The following RYR2 variants were observed in gnomAD, a reference collection of about 807,000 sequenced individuals.
RYR2 encodes ryanodine receptor 2, also known as cardiac muscle ryanodine receptor-calcium release channel.
RYR2 carries 227 observed loss-of-function variants against 601.1 expected under a neutral mutation model. The ratio of observed to expected loss-of-function variants is 0.38; its 90% CI spans 0.34 to 0.42. RYR2 has a LOEUF of 0.42. Among genes scored for constraint, RYR2 ranks in the 10% least tolerant of loss-of-function variants. The pLI is 1.00. For synonymous variants in RYR2, 2,223 were observed against 2,175.1 expected, an observed-to-expected ratio of 1.02 and a Z score of -0.61; for missense variants, 4,646 against 6,156.5, an observed-to-expected ratio of 0.75 and a Z score of 8.21.
intron 19 of RYR2, among the ~76,000 whole-genome samples, chr1:237,494,306 T>G (rs1159717329): frequency 6.6e-6 from 1 of 152,194 alleles, no homozygotes; most frequent in East Asian, 1.9e-4. Context: ...GGCAAACCAC[T>G]GCTAAGTCCA....
At chr1:237,639,314 C>T (rs1439221975) in intron 46 of RYR2, 113 bp downstream of exon 46, 4 of 1,041,988 alleles carry the variant, frequency 3.8e-6, no homozygotes, top group Non-Finnish European at 5.3e-6. Context: ...CAGAAGATTT[C>T]TCCCTTTGAA....
At position 237,660,945 on chromosome 1, in the gene RYR2, C is replaced by A. The variant is rs377285717; in HGVS notation, c.8434C>A (p.Gln2812Lys). The part of the protein sequence containing the change: ...NRTRRISQTS[Q>K]VSVDAAHGYS... ...GACTCGTCGTATTTCTCAGACAAGC[C>A]AGGTAAGAATTCATCACGGTGATGA... The change falls in exon 56 of 105, where the codon CAG (glutamine) becomes AAG (lysine). Residue 2812 changes from glutamine (Q) to lysine (K), a missense_variant and splice_region_variant. Transcript: ENST00000366574. 1.4e-6 allele frequency: 2 copies of A among 1,414,286 alleles called. No homozygotes were observed. Among genetic ancestry groups the A allele is most frequent in the South Asian group, 1.8e-5 (1 of 55,120 alleles). 87.6% of individuals were successfully genotyped at this position (1,414,286 alleles called of 1,614,324 possible).
At chr1:237,315,092 G>C (rs971829283) in intron 2 of RYR2, among the ~76,000 whole-genome samples, 1 of 152,108 alleles carries the variant, frequency 6.6e-6, no homozygotes, top group Non-Finnish European at 1.5e-5. Flanking sequence ...AGATCCAGTG[G>C]ATCTTTCCGG....
At chr1:237,377,717 A>G (rs1392297900) in intron 8 of RYR2, among the ~76,000 whole-genome samples, 2 of 152,192 alleles carry the variant, frequency 1.3e-5, no homozygotes, top group Non-Finnish European at 2.9e-5. Flanking sequence ...TATTGATAGA[A>G]TGTAAATGCA....
chr1:237,347,385 ATATATAT>A (rs1270093999), intron 3 of RYR2, among the ~76,000 whole-genome samples: 1 of 152,144 alleles, frequency 6.6e-6, no homozygotes, highest in Non-Finnish European at 1.5e-5. Flanking sequence ...TAGGTTCTCA[ATATATAT>A]TAGTTTCTTT....
rs1553380520 is a variant in RYR2, at chr1:237,284,515, A to ATAATATGTAAATATATATAATAT, written c.168+13899_168+13900insTAATATGTAAATATATATAATAT. ...TATAAAATATATATAAAATATATAT[A>ATAATATGTAAATATATATAATAT]ATATATGTATTGTGTGTATATATAT... On this transcript the variant is annotated intron_variant, in intron 2 of 104. Transcript: ENST00000366574. Among the ~76,000 whole-genome samples, 59 of 132,950 alleles carry ATAATATGTAAATATATATAATAT rather than the reference A, an allele frequency of 4.4e-4. 1 individual carries two copies. In the East Asian group the frequency reaches 0.012, roughly 26 times the overall value. The allele number at this position is 132,950 out of a possible 152,430, so 87.2% of individuals were successfully genotyped here.
At chr1:237,604,178 C>T (rs1676838280) in intron 35 of RYR2, among the ~76,000 whole-genome samples, 1 of 152,158 alleles carries the variant, frequency 6.6e-6, no homozygotes, top group African/African-American at 2.4e-5. Flanking sequence ...GGAAGTAAAG[C>T]ACTCCTCAGC....
intron 1 of RYR2, among the ~76,000 whole-genome samples, chr1:237,153,710 G>T (rs1252558063): frequency 1.3e-5 from 2 of 151,508 alleles, no homozygotes; most frequent in African/African-American, 4.9e-5. Context: ...GTTATTTTAG[G>T]CCACAGGTAG....
At chr1:237,548,317 T>G in intron 25 of RYR2, 114 bp from the exon 26 acceptor site, 1 of 1,055,228 alleles carries the variant, frequency 9.5e-7, no homozygotes, top group Admixed American at 2.3e-5. Context: ...TCACCACTGG[T>G]TACCACTGTG....
At chr1:237,159,744 G>A (rs1336154882) in intron 1 of RYR2, among the ~76,000 whole-genome samples, 1 of 152,126 alleles carries the variant, frequency 6.6e-6, no homozygotes, top group African/African-American at 2.4e-5. Context: ...GAATCAGAGG[G>A]CTACAAAGAG....
intron 80 of RYR2, among the ~76,000 whole-genome samples, chr1:237,744,764 A>T: frequency 6.7e-6 from 1 of 148,936 alleles, no homozygotes. Flanking sequence ...TGAATTTTAG[A>T]CTGTCTTGAA....
chr1:237,135,474 A>G (rs1229580947), intron 1 of RYR2, among the ~76,000 whole-genome samples: 2 of 150,126 alleles, frequency 1.3e-5, no homozygotes, highest in African/African-American at 4.9e-5. Context: ...GGTTCACGCC[A>G]TTCTCCTGCC....
intron 1 of RYR2, among the ~76,000 whole-genome samples, chr1:237,170,427 G>T (rs766410151): frequency 6.6e-6 from 1 of 152,178 alleles, no homozygotes; most frequent in African/African-American, 2.4e-5. Context: ...GGACTTGAAC[G>T]ATGATAACAC....
chr1:237,511,340 C>G (rs1486641564), intron 23 of RYR2, among the ~76,000 whole-genome samples: 1 of 149,198 alleles, frequency 6.7e-6, no homozygotes, highest in Non-Finnish European at 1.5e-5. Flanking sequence ...GGCAGACTGT[C>G]CTAATTAGAC....
At chr1:237,220,593 C>T (rs954303344) in intron 1 of RYR2, among the ~76,000 whole-genome samples, 3 of 152,164 alleles carry the variant, frequency 2.0e-5, no homozygotes, top group African/African-American at 7.2e-5. Flanking sequence ...TTCTGTTTCT[C>T]GGGAGACACC....
At chr1:237,373,042 A>G (rs1700761748) in intron 6 of RYR2, among the ~76,000 whole-genome samples, 1 of 152,224 alleles carries the variant, frequency 6.6e-6, no homozygotes, top group South Asian at 2.1e-4. Flanking sequence ...CTTGTTATTG[A>G]AAAAATTACA....
Position 237,106,408 on chromosome 1 carries a change from T to C in RYR2, c.48+63839T>C, listed in dbSNP as rs1478732054. On this transcript the variant is annotated intron_variant, in intron 1 of 104. Coordinates refer to ENST00000366574, the MANE Select transcript of RYR2 (RefSeq NM_001035.3). This position sits in a 1 kb window ranked among gnomAD's most constrained non-coding sequence, Gnocchi z 4.4. ...TAGAGCCAGGAGGATTTCCTCATGG[T>C]TCTGATGAGGGTTGAGAGAGAGAAG... 6.6e-6 allele frequency among the ~76,000 whole-genome samples: 1 copy of C among 152,008 alleles called. No individual in the cohort carries two copies. Among genetic ancestry groups the C allele is most frequent in the Non-Finnish European group, 1.5e-5 (1 of 67,996 alleles).
chr1:237,636,974 T>C (rs35399041), intron 44 of RYR2, among the ~76,000 whole-genome samples: 32,497 of 152,088 alleles, frequency 0.21, 3,597 homozygotes, highest in East Asian at 0.24. Context: ...ACAAGTGTCC[T>C]AGAAAATGCA....
chr1:237,221,790 TC>T (rs1223971726), intron 1 of RYR2, among the ~76,000 whole-genome samples: 1 of 152,198 alleles, frequency 6.6e-6, no homozygotes, highest in African/African-American at 2.4e-5. Context: ...TGGGTGGTGG[TC>T]AACACAGATT....
Sources: gnomAD v4.1 joint callset for allele counts (sites outside exome capture counted in the v4.1 genomes callset) on GRCh38, gnomAD v4.1.1 for gene constraint, Gnocchi (gnomAD v3.1) non-coding constraint, MANE v1.5 for transcripts, NCBI Gene and HGNC (gene_info 2026-07-23, HGNC 2026-07-21) for gene names.